TBCK: variants seen among roughly 807,000 people sequenced by gnomAD.
TBCK encodes the protein TBC1 domain containing kinase, also known as TBC domain-containing protein kinase-like protein.
A neutral mutation model predicts 113.4 loss-of-function variants in TBCK; 99 were observed. That is an observed-to-expected ratio of 0.87 (90% confidence interval 0.74 to 1.03). The LOEUF is 1.03. TBCK is among the 50% of genes least tolerant of loss of function. The probability of loss-of-function intolerance (pLI) is 0.00; values close to 1 mark genes in which losing one functional copy is unlikely to be tolerated. For synonymous variants in TBCK, 369 were observed against 370.8 expected, an observed-to-expected ratio of 1.00 and a Z score of 0.05; for missense variants, 1,045 against 1,061.3, an observed-to-expected ratio of 0.98 and a Z score of 0.21.
intron 11 of TBCK, among the ~76,000 whole-genome samples, chr4:106,244,355 C>T (rs1036521488): frequency 2.0e-5 from 3 of 151,794 alleles, no homozygotes; most frequent in African/African-American, 7.3e-5. Flanking sequence ...CAAGATATTC[C>T]ATAATATTAA....
At chr4:106,263,018 C>T (rs547745808) in intron 3 of TBCK, among the ~76,000 whole-genome samples, 91 of 151,964 alleles carry the variant, frequency 6.0e-4, no homozygotes, top group African/African-American at 1.9e-3. Context: ...TGTCAACATT[C>T]CTTTTCTTTT....
At chr4:106,193,862 T>C in intron 21 of TBCK, 92 bp from the exon 22 acceptor site, 1 of 838,706 alleles carries the variant, frequency 1.2e-6, no homozygotes, top group Non-Finnish European at 1.8e-6. Flanking sequence ...AATTATTACC[T>C]TATGGTCAAA....
chr4:106,104,312 C>G (rs907449009), intron 24 of TBCK, among the ~76,000 whole-genome samples: 4 of 152,202 alleles, frequency 2.6e-5, no homozygotes, highest in Non-Finnish European at 5.9e-5. Context: ...TGGCACTGCA[C>G]CTCCCTAAGA....
intron 22 of TBCK, among the ~76,000 whole-genome samples, chr4:106,187,522 T>C (rs1237531515): frequency 2.0e-5 from 3 of 152,108 alleles, no homozygotes; most frequent in African/African-American, 7.2e-5. Context: ...GTTCAAGCTA[T>C]TCTCTTGCCT....
chr4:106,222,177 A>G lies in TBCK; in HGVS notation c.1774+8186T>C, dbSNP rs967687881. ...TACAGTATAAAATCTATCTAATATA[A>G]ATTTTCTTCATTTTATATTTGTAAA... is the stretch of plus-strand genomic sequence containing the variant. On this transcript the variant is annotated intron_variant, in intron 19 of 25. Coordinates refer to ENST00000394708, the MANE Select transcript of TBCK (RefSeq NM_001163435.3). Among the ~76,000 whole-genome samples, 6 of 152,114 alleles carry G rather than the reference A, an allele frequency of 3.9e-5. No homozygotes were observed. In the South Asian group the frequency reaches 8.3e-4, roughly 21 times the overall value.
chr4:106,095,664 A>G (rs1437500271), intron 24 of TBCK, 23 bp from the exon 25 acceptor site: 1 of 1,608,966 alleles, frequency 6.2e-7, no homozygotes, highest in African/African-American at 1.3e-5. Context: ...GTTTAAGGAA[A>G]ACATTTATTT....
intron 23 of TBCK, among the ~76,000 whole-genome samples, chr4:106,145,573 A>G (rs1400194236): frequency 1.1e-4 from 17 of 152,196 alleles, no homozygotes; most frequent in Non-Finnish European, 1.5e-5. Context: ...TTGATTTCCC[A>G]GTACATATAG....
intron 24 of TBCK, among the ~76,000 whole-genome samples, chr4:106,095,972 A>G (rs1337410201): frequency 6.6e-6 from 1 of 152,190 alleles, no homozygotes; most frequent in Non-Finnish European, 1.5e-5. Context: ...GATGGACTAC[A>G]TATCTTACAA....
At chr4:106,293,861 G>A (rs187630757) in intron 3 of TBCK, among the ~76,000 whole-genome samples, 15 of 152,190 alleles carry the variant, frequency 9.9e-5, no homozygotes, top group African/African-American at 2.2e-4. Context: ...ATAAACACTC[G>A]TGGCAAGATG....
intron 25 of TBCK, among the ~76,000 whole-genome samples, chr4:106,070,825 G>A (rs1045136322): frequency 1.3e-5 from 2 of 152,128 alleles, no homozygotes; most frequent in African/African-American, 4.8e-5. Context: ...TTCAGAGCCT[G>A]TTATTGGTCT....
intron 1 of TBCK, chr4:106,315,599 G>C (rs1182944264): frequency 6.6e-6 from 1 of 152,170 alleles, no homozygotes; most frequent in Non-Finnish European, 1.5e-5. Flanking sequence ...TAAACCTCGA[G>C]GGCCAGAAAC....
chr4:106,261,495 T>C (rs1350829542), intron 4 of TBCK, among the ~76,000 whole-genome samples: 1 of 152,122 alleles, frequency 6.6e-6, no homozygotes, highest in Non-Finnish European at 1.5e-5. Flanking sequence ...CCAAGTTGTT[T>C]TTATGTATTT....
At chr4:106,130,589 T>TACACACACACACACAC (rs70941237) in intron 23 of TBCK, among the ~76,000 whole-genome samples, 8 of 142,430 alleles carry the variant, frequency 5.6e-5, no homozygotes, top group African/African-American at 1.3e-4. Flanking sequence ...TTGCGCTAAA[T>TACACACACACACACAC]ACACACACAC....
At chr4:106,243,992 TA>T (rs918162130) in intron 11 of TBCK, among the ~76,000 whole-genome samples, 1 of 152,102 alleles carries the variant, frequency 6.6e-6, no homozygotes, top group African/African-American at 2.4e-5. Context: ...AGCCTAAAAT[TA>T]AAAATTTAAA....
At chr4:106,075,799 AATTGTT>A (rs1738118840) in intron 25 of TBCK, among the ~76,000 whole-genome samples, 1 of 152,266 alleles carries the variant, frequency 6.6e-6, no homozygotes, top group Admixed American at 6.5e-5. Flanking sequence ...TCATCTTTAA[AATTGTT>A]AATGTTTTAT....
intron 23 of TBCK, among the ~76,000 whole-genome samples, chr4:106,156,686 G>A (rs764317454): frequency 6.6e-6 from 1 of 152,102 alleles, no homozygotes; most frequent in Non-Finnish European, 1.5e-5. Flanking sequence ...GGCTACTGCT[G>A]ATGTTCTCTT....
chr4:106,283,706 G>A (rs1764845372), intron 3 of TBCK, among the ~76,000 whole-genome samples: 1 of 151,956 alleles, frequency 6.6e-6, no homozygotes, highest in Middle Eastern at 3.4e-3. Flanking sequence ...TTTAATGAGA[G>A]AATTAGATTG....
chr4:106,209,198 C>T (rs1560823168), intron 20 of TBCK, among the ~76,000 whole-genome samples: 1 of 152,158 alleles, frequency 6.6e-6, no homozygotes, highest in Admixed American at 6.5e-5. Flanking sequence ...AATAATGCTC[C>T]AGTAATTTTA....
chr4:106,280,277 A>G (rs536846018), intron 3 of TBCK, among the ~76,000 whole-genome samples: 2 of 152,104 alleles, frequency 1.3e-5, no homozygotes, highest in Non-Finnish European at 2.9e-5. Context: ...TTTTATTGGA[A>G]TATTAGATTT....
Sources: gnomAD v4.1 joint callset for allele counts (sites outside exome capture counted in the v4.1 genomes callset) on GRCh38, gnomAD v4.1.1 for gene constraint, MANE v1.5 for transcripts, NCBI Gene and HGNC (gene_info 2026-07-23, HGNC 2026-07-21) for gene names.